The following WDR35 variants were observed in gnomAD, a reference collection of about 807,000 sequenced individuals.
The protein encoded by WDR35 is WD repeat-containing protein 35.
In WDR35, 118 loss-of-function variants were observed where a neutral mutation model predicts 158.3. The observed-to-expected ratio is 0.75, with a 90% CI of 0.64 to 0.87. The LOEUF is 0.87. Ranked by LOEUF, WDR35 falls within the 40% of genes least tolerant of loss-of-function variation. WDR35 has a pLI of 0.00. For synonymous variants in WDR35, 448 were observed against 476.1 expected, an observed-to-expected ratio of 0.94 and a Z score of 0.77; for missense variants, 1,263 against 1,405.8, an observed-to-expected ratio of 0.90 and a Z score of 1.62.
intron 9 of WDR35, among the ~76,000 whole-genome samples, chr2:19,968,930 G>C (rs1671942287): frequency 6.6e-6 from 1 of 152,168 alleles, no homozygotes; most frequent in African/African-American, 2.4e-5. Context: ...CCGTCACCTG[G>C]GCTACCTGGC....
intron 13 of WDR35, among the ~76,000 whole-genome samples, chr2:19,949,612 A>G (rs1671170244): frequency 6.6e-6 from 1 of 152,248 alleles, no homozygotes; most frequent in Non-Finnish European, 1.5e-5. Context: ...CAATAGCCAC[A>G]TACGGCTAAT....
chr2:19,989,777 G>A (rs1414131312), intron 1 of WDR35, among the ~76,000 whole-genome samples: 1 of 152,230 alleles, frequency 6.6e-6, no homozygotes, highest in Non-Finnish European at 1.5e-5. Flanking sequence ...AGGAATGGGA[G>A]AGTGCTGCGA....
chr2:19,974,716 A>G lies in WDR35; in HGVS notation c.571-83T>C, dbSNP rs115773839. On this transcript the variant is annotated intron_variant, in intron 6 of 26. Transcript: ENST00000281405. Reference sequence around the variant, plus strand: ...CAATACTCAATAGAGTATTGTAGAAAGAACACTGAAAAATACAGTCTAAAA... The same window carrying G: ...CAATACTCAATAGAGTATTGTAGAAGGAACACTGAAAAATACAGTCTAAAA... The G allele has an allele frequency of 3.6e-4, 482 of 1,335,528 alleles. 2 individuals are homozygous for G. The African/African-American group carries it at 6.3e-3, about 17-fold the overall frequency. The allele number at this position is 1,335,528 out of a possible 1,614,324, so 82.7% of individuals were successfully genotyped here.
At chr2:19,960,416 G>T in intron 11 of WDR35, 138 bp downstream of exon 11, 1 of 680,208 alleles carries the variant, frequency 1.5e-6, no homozygotes, top group Non-Finnish European at 2.5e-6. Flanking sequence ...ACTGGTACTG[G>T]ATCTGACAAA....
intron 25 of WDR35, among the ~76,000 whole-genome samples, chr2:19,921,609 T>G (rs1160035644): frequency 1.3e-5 from 2 of 152,144 alleles, no homozygotes; most frequent in African/African-American, 4.8e-5. Flanking sequence ...ACGTAAGACC[T>G]AAAACCATAA....
chr2:19,949,987 C>T (rs1671184019), intron 13 of WDR35, among the ~76,000 whole-genome samples: 1 of 151,968 alleles, frequency 6.6e-6, no homozygotes, highest in Non-Finnish European at 1.5e-5. Context: ...TCTTGCTATC[C>T]AGATGGCAAG....
chr2:19,928,155 G>A (rs1371719578), intron 25 of WDR35, among the ~76,000 whole-genome samples: 11 of 152,292 alleles, frequency 7.2e-5, no homozygotes, highest in Admixed American at 1.3e-4. Context: ...CACCTGGCCC[G>A]CCCAGGGCAG....
Position 19,953,951 on chromosome 2 carries a change from G to A in WDR35, c.1283C>T (p.Thr428Ile). Residue 428 changes from threonine to isoleucine, a missense_variant, in exon 12 of 27, where the codon ACC (threonine) becomes ATC (isoleucine). Physicochemically the swap from Thr to Ile is moderately conservative, Grantham distance 89. Transcript: ENST00000281405. ...IVPLFVAMTKTHVIAASKEAF... is the reference protein window; with the variant it reads ...IVPLFVAMTKIHVIAASKEAF... ...TTCTTTCGAGGCTGCTATCACATGGGTTTTGGTCATTGCAACAAACAATGG... is the reference window on the plus strand; with the variant it reads ...TTCTTTCGAGGCTGCTATCACATGGATTTTGGTCATTGCAACAAACAATGG... 1 of 1,614,084 alleles carries A rather than the reference G, an allele frequency of 6.2e-7. No homozygotes were observed. The highest frequency in any genetic ancestry group is 8.5e-7 in the Non-Finnish European group (1 of 1,180,002).
At position 19,912,144 on chromosome 2, in the gene WDR35, C is replaced by T. The variant is rs559522773; in HGVS notation, c.*1414G>A. The T allele has an allele frequency of 2.0e-5, 3 of 152,242 alleles. No homozygotes were observed. The highest frequency in any genetic ancestry group is 2.1e-4 in the South Asian group (1 of 4,832). 9.4% of individuals were successfully genotyped at this position (152,242 alleles called of 1,614,324 possible). A position where few individuals can be genotyped will look rare whatever the true frequency, so the allele number is the denominator to read the frequency against. On this transcript the variant is annotated 3_prime_UTR_variant, in exon 27 of 27. Coordinates refer to ENST00000281405, the MANE Select transcript of WDR35 (RefSeq NM_020779.4). Reference sequence around the variant, plus strand: ...TTGCGGTCTTTCCACTCCACTGGCACGTTACACTAACAGTGTTAATCTATC... The same window carrying T: ...TTGCGGTCTTTCCACTCCACTGGCATGTTACACTAACAGTGTTAATCTATC...
intron 8 of WDR35, among the ~76,000 whole-genome samples, chr2:19,971,990 C>T (rs1672049577): frequency 6.6e-6 from 1 of 152,226 alleles, no homozygotes. Context: ...TCAAACTACA[C>T]TGTGGAAAAT....
intron 22 of WDR35, among the ~76,000 whole-genome samples, chr2:19,932,864 A>C (rs1670566474): frequency 6.6e-6 from 1 of 152,212 alleles, no homozygotes. Flanking sequence ...TTAAAAAATA[A>C]GAAAAATATT....
chr2:19,939,674 T>C (rs936433793), intron 17 of WDR35, among the ~76,000 whole-genome samples: 6 of 152,234 alleles, frequency 3.9e-5, no homozygotes, highest in African/African-American at 1.4e-4. Context: ...CGGTAGTGAC[T>C]AAAATATCTG....
At chr2:19,952,789 T>TTC (rs1671284084) in intron 12 of WDR35, among the ~76,000 whole-genome samples, 2 of 142,230 alleles carry the variant, frequency 1.4e-5, no homozygotes, top group African/African-American at 5.2e-5. Flanking sequence ...TACTTTTTTT[T>TTC]TTTTTTTTTT....
At chr2:19,963,150 G>C (rs1172221440) in intron 10 of WDR35, among the ~76,000 whole-genome samples, 1 of 152,016 alleles carries the variant, frequency 6.6e-6, no homozygotes, top group Non-Finnish European at 1.5e-5. Flanking sequence ...TACCACACAG[G>C]GGCACCTTTC....
chr2:19,967,516 CACTT>C (rs1671896672), intron 9 of WDR35, among the ~76,000 whole-genome samples: 1 of 152,030 alleles, frequency 6.6e-6, no homozygotes, highest in Admixed American at 6.5e-5. Flanking sequence ...GGAACTTACA[CACTT>C]ACAGCTTTCC....
chr2:19,954,283 G>A (rs1327947197), intron 11 of WDR35, among the ~76,000 whole-genome samples: 1 of 152,128 alleles, frequency 6.6e-6, no homozygotes, highest in Non-Finnish European at 1.5e-5. Flanking sequence ...TCTTAGATAT[G>A]ACACCAAAAA....
chr2:19,960,499 T>C lies in WDR35; in HGVS notation c.1255+55A>G, dbSNP rs1401830469. 12 of 1,403,238 alleles carry C rather than the reference T, an allele frequency of 8.6e-6. No homozygotes were observed. The African/African-American group carries it at 1.7e-4, about 20-fold the overall frequency. 86.9% of individuals were successfully genotyped at this position (1,403,238 alleles called of 1,614,324 possible). On this transcript the variant is annotated intron_variant, in intron 11 of 26. Coordinates refer to ENST00000281405, the MANE Select transcript of WDR35 (RefSeq NM_020779.4). ...TAATACCAGTGTTAGGTTTTTAAATTAGTGTTACAAATAAAACCTGATTGG... is the reference window on the plus strand; with the variant it reads ...TAATACCAGTGTTAGGTTTTTAAATCAGTGTTACAAATAAAACCTGATTGG...
At position 19,979,772 on chromosome 2, in the gene WDR35, T is replaced by TACACAC. The variant is rs67421990; in HGVS notation, c.308-899_308-894dup. Reference sequence around the variant, plus strand: ...CACTGAACTTTCACATTCTATCCCCTACACACACACACACACACACACACA... The same window carrying TACACAC: ...CACTGAACTTTCACATTCTATCCCCTACACACACACACACACACACACACACACACA... On this transcript the variant is annotated intron_variant, in intron 4 of 26. Coordinates refer to ENST00000281405, the MANE Select transcript of WDR35 (RefSeq NM_020779.4). 9.4e-3 allele frequency among the ~76,000 whole-genome samples: 1,378 copies of TACACAC among 146,282 alleles called. 14 individuals carry two copies. The highest frequency in any genetic ancestry group is 0.027 in the African/African-American group (1,065 of 39,912).
intron 18 of WDR35, 32 bp from the exon 19 acceptor site, chr2:19,937,978 C>T (rs543386025): frequency 1.2e-6 from 2 of 1,610,516 alleles, no homozygotes; most frequent in African/African-American, 1.3e-5. Context: ...AACATAAGTG[C>T]ATATTGCAAA....
Sources: gnomAD v4.1 joint callset for allele counts (sites outside exome capture counted in the v4.1 genomes callset) on GRCh38, gnomAD v4.1.1 for gene constraint, MANE v1.5 for transcripts, NCBI Gene and HGNC (gene_info 2026-07-23, HGNC 2026-07-21) for gene names.